Variants in OTOP3 observed in about 807,000 individuals in gnomAD.
OTOP3 encodes otopetrin 3.
Under a neutral mutation model 50.8 loss-of-function variants are expected in OTOP3, and 41 were observed. The ratio of observed to expected loss-of-function variants is 0.81; its 90% confidence interval spans 0.63 to 1.05. OTOP3 has a LOEUF of 1.05. Ranked by LOEUF, OTOP3 falls within the 50% of genes least tolerant of loss-of-function variation. The probability of loss-of-function intolerance (pLI) is 0.00; values close to 1 mark genes in which losing one functional copy is unlikely to be tolerated. For missense variants in OTOP3, 788 were observed against 760.8 expected (o/e 1.04, Z -0.42); for synonymous variants, 320 against 324.4 (o/e 0.99, Z 0.14).
At chr17:74,943,548 G>A in intron 4 of OTOP3, 58 bp from the exon 5 acceptor site, 2 of 1,542,948 alleles carry the variant, frequency 1.3e-6, no homozygotes, top group Non-Finnish European at 9.0e-7. Context: ...GGATGGTGAG[G>A]GTTTGGCACC....
At chr17:74,944,953 T>TCTTC (rs1450281009) in intron 5 of OTOP3, among the ~76,000 whole-genome samples, 1 of 152,264 alleles carries the variant, frequency 6.6e-6, no homozygotes, top group African/African-American at 2.4e-5. Flanking sequence ...TTTCTTTCTT[T>TCTTC]TTTTTTCTTT....
rs75513693 is a variant in OTOP3 at position 74,947,509 on chromosome 17, A to G, written c.1566+34A>G. The G allele has an allele frequency of 2.5e-4, 387 of 1,533,214 alleles. 10 individuals are homozygous for G. The East Asian group carries it at 8.7e-3, about 35-fold the overall frequency. The allele number at this position is 1,533,214 out of a possible 1,614,324, so 95.0% of individuals were successfully genotyped here. A position where few individuals can be genotyped will look rare whatever the true frequency, so the allele number is the denominator to read the frequency against. Reference sequence around the variant, plus strand: ...CTGGGCTAAGGGGCCTGGAGGGTAGAGGTGGCCAGGCAGACCCAGAAAGCC... The same window carrying G: ...CTGGGCTAAGGGGCCTGGAGGGTAGGGGTGGCCAGGCAGACCCAGAAAGCC... On this transcript the variant is annotated intron_variant, in intron 6 of 6. Coordinates refer to ENST00000328801, the MANE Select transcript of OTOP3 (RefSeq NM_001272005.2).
intron 5 of OTOP3, among the ~76,000 whole-genome samples, chr17:74,944,265 C>G (rs1598606062): frequency 6.6e-6 from 1 of 152,006 alleles, no homozygotes. Flanking sequence ...ATGTACATGC[C>G]CCACCCCGCC....
chr17:74,935,894 G>A, upstream of OTOP3: 1 of 1,547,366 alleles, frequency 6.5e-7, no homozygotes, highest in Non-Finnish European at 8.7e-7. Flanking sequence ...TCCGCTCAGC[G>A]CCCGCAGTCG....
Position 74,947,299 on chromosome 17 carries a change from C to T in OTOP3, c.1390C>T (p.Pro464Ser), listed in dbSNP as rs763041592. ...LHRRPLWETV[P>S]EGLAGKQEAE... is the part of the protein sequence containing the mutation. ...CCGGCGCCCACTCTGGGAGACAGTTCCCGAGGGCCTGGCAGGAAAGCAGGA... is the reference window on the plus strand; with the variant it reads ...CCGGCGCCCACTCTGGGAGACAGTTTCCGAGGGCCTGGCAGGAAAGCAGGA... The change falls in exon 6 of 7, where the codon CCC becomes TCC. Residue 464 changes from proline (P) to serine (S), a missense_variant. Pro to Ser is a moderately conservative substitution (Grantham distance 74, BLOSUM62 -1). Coordinates refer to ENST00000328801, the MANE Select transcript of OTOP3 (RefSeq NM_001272005.2). 1 of 1,613,476 alleles carries T rather than the reference C, an allele frequency of 6.2e-7. No homozygotes were observed. Among genetic ancestry groups the T allele is most frequent in the Non-Finnish European group, 8.5e-7 (1 of 1,179,850 alleles).
chr17:74,941,610 T>A lies in OTOP3; in HGVS notation c.237T>A (p.Asn79Lys). 6.2e-7 allele frequency: 1 copy of A among 1,613,668 alleles called. No individual in the cohort carries two copies. Among genetic ancestry groups the A allele is most frequent in the Non-Finnish European group, 8.5e-7 (1 of 1,179,694 alleles). The change falls in exon 2 of 7, where the codon AAT becomes AAA. Residue 79 changes from asparagine (N) to lysine (K), a missense_variant. Physicochemically the swap from Asn to Lys is moderately conservative, Grantham distance 94. Coordinates refer to ENST00000328801, the MANE Select transcript of OTOP3 (RefSeq NM_001272005.2). ...TCTTCTCGGGGCTCCTGGCCCTGAA[T>A]GTGGTGTTCCTGGGTGGCGCCTTCA... ...GQLFSGLLAL[N>K]VVFLGGAFIC...
chr17:74,946,543 C>T (rs574517428), intron 5 of OTOP3, 118 bp from the exon 6 acceptor site: 8 of 816,892 alleles, frequency 9.8e-6, no homozygotes, highest in Admixed American at 5.7e-5. Context: ...GTAAAATGAG[C>T]GGCTGGGTCG....
intron 1 of OTOP3, 69 bp downstream of exon 1, chr17:74,936,009 C>G (rs2039111211): frequency 6.5e-7 from 1 of 1,531,676 alleles, no homozygotes; most frequent in African/African-American, 1.4e-5. Flanking sequence ...ACTACCCACC[C>G]CCCCAAAAGG....
chr17:74,944,610 A>G (rs182663459), intron 5 of OTOP3, among the ~76,000 whole-genome samples: 16 of 152,236 alleles, frequency 1.1e-4, no homozygotes, highest in Non-Finnish European at 2.2e-4. Context: ...TACAAAAATT[A>G]CCCAGGCATG....
chr17:74,943,265 T>C (rs767809159), intron 3 of OTOP3, 21 bp from the exon 4 acceptor site: 53 of 1,613,762 alleles, frequency 3.3e-5, no homozygotes, highest in Non-Finnish European at 4.3e-5. Flanking sequence ...GCCCCTGGGC[T>C]CAAGGCCCTG....
intron 1 of OTOP3, among the ~76,000 whole-genome samples, chr17:74,937,451 C>T (rs115905888): frequency 0.011 from 1,646 of 152,236 alleles, 36 homozygotes; most frequent in African/African-American, 0.037. Flanking sequence ...ATCTACCCTG[C>T]TTGGGGGCTG....
chr17:74,936,013 C>A lies in OTOP3; in HGVS notation c.19+73C>A, dbSNP rs574561616. 5.2e-5 allele frequency: 79 copies of A among 1,527,560 alleles called. 1 individual carries two copies. The highest frequency in any genetic ancestry group is 4.9e-4 in the South Asian group (41 of 83,566). 94.6% of individuals were successfully genotyped at this position (1,527,560 alleles called of 1,614,324 possible). ...CACTGGCACATACTACCCACCCCCC[C>A]AAAAGGGGGGTTCACAAGTAGGGGC... On this transcript the variant is annotated intron_variant, in intron 1 of 6. Transcript: ENST00000328801.
chr17:74,939,554 G>C (rs976260153), intron 1 of OTOP3, among the ~76,000 whole-genome samples: 1 of 152,168 alleles, frequency 6.6e-6, no homozygotes, highest in Non-Finnish European at 1.5e-5. Flanking sequence ...CCGGTGGGGA[G>C]AGCATGCTGG....
In OTOP3 at chr17:74,938,905, C is replaced by T. The variant is rs2039144283; in HGVS notation, c.20-2488C>T. The stretch of plus-strand genomic sequence containing the variant: ...AATCAGGGCCAGGCATGGTGGCTTA[C>T]ACCTGTAATCCCAGCACTTTGGGAA... On this transcript the variant is annotated intron_variant, in intron 1 of 6. Coordinates refer to ENST00000328801, the MANE Select transcript of OTOP3 (RefSeq NM_001272005.2). 5.9e-5 allele frequency among the ~76,000 whole-genome samples: 9 copies of T among 151,928 alleles called. 1 individual carries two copies. Among genetic ancestry groups the T allele is most frequent in the Admixed American group, 5.9e-4 (9 of 15,258 alleles).
chr17:74,941,270 G>A (rs2039168723), intron 1 of OTOP3, 123 bp from the exon 2 acceptor site: 4 of 1,059,594 alleles, frequency 3.8e-6, no homozygotes, highest in Admixed American at 3.4e-5. Context: ...TAGTTCCAAT[G>A]TCCCAACCAC....
At chr17:74,936,187 G>A (rs1012486744) in intron 1 of OTOP3, among the ~76,000 whole-genome samples, 3 of 149,234 alleles carry the variant, frequency 2.0e-5, no homozygotes, top group Non-Finnish European at 4.5e-5. Context: ...CTCAGGGCGC[G>A]ACTCCTCCCG....
chr17:74,938,014 G>A (rs778791863), intron 1 of OTOP3, among the ~76,000 whole-genome samples: 3 of 152,164 alleles, frequency 2.0e-5, no homozygotes, highest in Non-Finnish European at 4.4e-5. Context: ...CTTTCTACCT[G>A]GGCCTGGGTT....
At chr17:74,948,825 G>A (rs1048829810) in intron 6 of OTOP3, among the ~76,000 whole-genome samples, 5 of 152,150 alleles carry the variant, frequency 3.3e-5, no homozygotes, top group African/African-American at 1.2e-4. Context: ...GTGACAGAGT[G>A]AGACCTGTCT....
At chr17:74,943,808 C>A in intron 5 of OTOP3, 84 bp downstream of exon 5, 1 of 1,161,340 alleles carries the variant, frequency 8.6e-7, no homozygotes, top group Non-Finnish European at 1.2e-6. Flanking sequence ...ACGCTACACT[C>A]TCTAAAACAG....
Sources: allele counts gnomAD v4.1 joint callset (sites outside exome capture counted in the v4.1 genomes callset), GRCh38; gene constraint gnomAD v4.1.1; transcripts MANE v1.5; gene names NCBI Gene and HGNC (gene_info 2026-07-23, HGNC 2026-07-21).